Variants in STEAP1B observed in about 807,000 individuals in gnomAD.
STEAP1B encodes the protein STEAP family member 1B.
In STEAP1B, 13 loss-of-function variants were observed where a neutral mutation model predicts 27.9. That is an observed-to-expected ratio of 0.47 (90% confidence interval 0.30 to 0.74). The LOEUF is 0.74. STEAP1B is among the 30% of genes least tolerant of loss of function. The probability of loss-of-function intolerance (pLI) is 0.06; values close to 1 mark genes in which losing one functional copy is unlikely to be tolerated. For synonymous variants in STEAP1B, 86 were observed against 107.1 expected, an observed-to-expected ratio of 0.80 and a Z score of 1.22; for missense variants, 250 against 298.7, an observed-to-expected ratio of 0.84 and a Z score of 1.20.
chr7:22,431,839 C>A (rs1393594887), intron 4 of STEAP1B, among the ~76,000 whole-genome samples: 1 of 152,198 alleles, frequency 6.6e-6, no homozygotes, highest in Non-Finnish European at 1.5e-5. Flanking sequence ...CCTTCCAGCT[C>A]CAGCTCTTGC....
intron 4 of STEAP1B, among the ~76,000 whole-genome samples, chr7:22,433,004 C>T (rs903062057): frequency 4.6e-5 from 7 of 152,126 alleles, no homozygotes; most frequent in Non-Finnish European, 8.8e-5. Context: ...GCCGTTCCTG[C>T]CAGCAAATGC....
At chr7:22,425,898 T>C (rs1239290386) in intron 4 of STEAP1B, among the ~76,000 whole-genome samples, 2 of 152,258 alleles carry the variant, frequency 1.3e-5, no homozygotes, top group African/African-American at 4.8e-5. Flanking sequence ...TCCCATTACA[T>C]ATTCACAAAT....
rs577267323 is a variant in STEAP1B at position 22,493,351 on chromosome 7, G to GT, written c.569dup (p.Tyr190Ter). The change falls in exon 3 of 5, where the codon TAC becomes TAAC. Residue 190 changes from tyrosine (Y) to a stop codon, truncating the protein, a stop_gained and frameshift_variant. Coordinates refer to ENST00000678116, the MANE Select transcript of STEAP1B (RefSeq NM_001382447.1). LOFTEE classifies it high-confidence loss of function. Reference sequence around the variant, plus strand: ...GTTGATATGCCCAGTTTAGCAACTTGTATCTGTAGGATCGCCTCATTGCGT... The same window carrying GT: ...GTTGATATGCCCAGTTTAGCAACTTGTTATCTGTAGGATCGCCTCATTGCGT... Reference protein sequence around the residue: ...LSYAMRRSYRYKLLNWAYQQV... With the variant: ...LSYAMRRSYR The GT allele has an allele frequency of 5.9e-4, 948 of 1,613,626 alleles. 6 individuals are homozygous for GT. In the African/African-American group the frequency reaches 0.011, roughly 19 times the overall value.
chr7:22,496,923 T>C (rs1345743981), intron 1 of STEAP1B, among the ~76,000 whole-genome samples: 2 of 152,266 alleles, frequency 1.3e-5, no homozygotes, highest in Non-Finnish European at 2.9e-5. Flanking sequence ...TGAGGTACTC[T>C]TAGAATATTT....
At chr7:22,488,828 C>T (rs1168569773) in intron 4 of STEAP1B, among the ~76,000 whole-genome samples, 1 of 152,144 alleles carries the variant, frequency 6.6e-6, no homozygotes, top group Non-Finnish European at 1.5e-5. Flanking sequence ...AGTTTTCTAG[C>T]CTTTGAGCCA....
chr7:22,454,090 G>T (rs747477693), intron 4 of STEAP1B, among the ~76,000 whole-genome samples: 8 of 152,170 alleles, frequency 5.3e-5, no homozygotes, highest in Admixed American at 2.0e-4. Context: ...GTAATAACTT[G>T]AATAGGAAAA....
chr7:22,476,834 C>G (rs1173672145), intron 4 of STEAP1B, among the ~76,000 whole-genome samples: 1 of 152,188 alleles, frequency 6.6e-6, no homozygotes, highest in Non-Finnish European at 1.5e-5. Context: ...ACTGGGTTCT[C>G]ATCTGAAAAC....
At chr7:22,468,601 C>G (rs1415277710) in intron 4 of STEAP1B, among the ~76,000 whole-genome samples, 1 of 152,168 alleles carries the variant, frequency 6.6e-6, no homozygotes, top group Admixed American at 6.5e-5. Flanking sequence ...AGACAAAGAC[C>G]TGCACACAAA....
At chr7:22,476,886 G>C (rs4722145) in intron 4 of STEAP1B, among the ~76,000 whole-genome samples, 45,092 of 151,924 alleles carry the variant, frequency 0.3, 6,830 homozygotes, top group East Asian at 0.43. Context: ...CTCGTGTTGG[G>C]AGAATTCATC....
intron 4 of STEAP1B, among the ~76,000 whole-genome samples, chr7:22,474,794 G>A (rs574025483): frequency 3.9e-5 from 6 of 152,208 alleles, no homozygotes; most frequent in South Asian, 2.1e-4. Context: ...AGCTCCAATC[G>A]CCTCTCCCTG....
intron 4 of STEAP1B, among the ~76,000 whole-genome samples, chr7:22,430,903 C>A (rs1040290135): frequency 6.6e-6 from 1 of 152,204 alleles, no homozygotes; most frequent in Non-Finnish European, 1.5e-5. Context: ...CTCTATGATT[C>A]TCAGCGTCTC....
chr7:22,480,343 G>A (rs1786047018), intron 4 of STEAP1B, among the ~76,000 whole-genome samples: 1 of 152,228 alleles, frequency 6.6e-6, no homozygotes, highest in African/African-American at 2.4e-5. Context: ...GCTTCCTGAG[G>A]ACCAACACTA....
chr7:22,473,497 C>T (rs1029479221), intron 4 of STEAP1B, among the ~76,000 whole-genome samples: 14 of 152,228 alleles, frequency 9.2e-5, no homozygotes, highest in Middle Eastern at 3.4e-3. Flanking sequence ...CTTATACAAA[C>T]GAGTAAGTGG....
intron 4 of STEAP1B, among the ~76,000 whole-genome samples, chr7:22,479,585 C>T (rs1786031819): frequency 6.6e-6 from 1 of 151,172 alleles, no homozygotes; most frequent in South Asian, 2.1e-4. Context: ...TAGTTGCCCA[C>T]ATACTAACTG....
rs891018034 is a variant in STEAP1B at position 22,468,762 on chromosome 7, T to TGA, written c.762+23801_762+23802dup. The stretch of plus-strand genomic sequence containing the variant: ...GACTGCATATATGATGGCAGTACCA[T>TGA]GAGATTATAATGGAGCTGAAAAATT... On this transcript the variant is annotated intron_variant, in intron 4 of 4. Coordinates refer to ENST00000678116, the MANE Select transcript of STEAP1B (RefSeq NM_001382447.1). Among the ~76,000 whole-genome samples the TGA allele has an allele frequency of 7.9e-5, 12 of 152,340 alleles. No homozygotes were observed. In the South Asian group the frequency reaches 2.5e-3, roughly 32 times the overall value.
chr7:22,437,665 C>T (rs1785271582), intron 4 of STEAP1B, among the ~76,000 whole-genome samples: 1 of 152,180 alleles, frequency 6.6e-6, no homozygotes, highest in East Asian at 1.9e-4. Flanking sequence ...TTTTTAAATC[C>T]TGAGGAACCT....
At chr7:22,479,298 C>T (rs1786025868) in intron 4 of STEAP1B, among the ~76,000 whole-genome samples, 1 of 152,180 alleles carries the variant, frequency 6.6e-6, no homozygotes, top group South Asian at 2.1e-4. Context: ...GATGCCGGCG[C>T]TGCAAGGAGG....
At chr7:22,462,475 C>T (rs371424758) in intron 4 of STEAP1B, among the ~76,000 whole-genome samples, 14,753 of 128,724 alleles carry the variant, frequency 0.11, 976 homozygotes, top group Admixed American at 0.18. Context: ...AGTGAGAATA[C>T]GCGGTGTTTG....
intron 4 of STEAP1B, among the ~76,000 whole-genome samples, chr7:22,474,957 T>C (rs1179841606): frequency 1.3e-5 from 2 of 152,238 alleles, no homozygotes; most frequent in Non-Finnish European, 2.9e-5. Context: ...AAACATCTCC[T>C]GATTACTCAA....
Sources: gnomAD v4.1 joint callset for allele counts (sites outside exome capture counted in the v4.1 genomes callset) on GRCh38, gnomAD v4.1.1 for gene constraint, MANE v1.5 for transcripts, NCBI Gene and HGNC (gene_info 2026-07-23, HGNC 2026-07-21) for gene names.